The following SPON2 variants were observed in gnomAD, a reference collection of about 807,000 sequenced individuals.
SPON2 encodes the protein spondin 2, also known as spondin-2.
In SPON2, 32 loss-of-function variants were observed where a neutral mutation model predicts 29.9. The observed-to-expected ratio is 1.07, with a 90% confidence interval of 0.81 to 1.44. SPON2 has a LOEUF of 1.44. Among genes scored for constraint, SPON2 ranks in the 40% most tolerant of loss-of-function variants. SPON2 has a pLI of 0.00. For missense variants in SPON2, 541 were observed against 455.5 expected (o/e 1.19, Z -1.71); for synonymous variants, 248 against 209.1 (o/e 1.19, Z -1.61).
At chr4:1,201,357 G>C in intron 1 of SPON2, 1 of 341,114 alleles carries the variant, frequency 2.9e-6, no homozygotes, top group Non-Finnish European at 5.9e-6. Flanking sequence ...GAGGCTGTGG[G>C]TTTCTCCAGG....
Position 1,167,621 on chromosome 4 carries a change from A to G in SPON2, c.847T>C (p.Trp283Arg), listed in dbSNP as rs1727287182. The change falls in exon 6 of 6, where the codon TGG becomes CGG. Residue 283 changes from tryptophan (W) to arginine (R), a missense_variant. Physicochemically the swap from Trp to Arg is moderately radical, Grantham distance 101. Coordinates refer to ENST00000290902, the MANE Select transcript of SPON2 (RefSeq NM_012445.4). ...CCTCCGCACAGTCCCCAGGACGACCACAGGGAGACCTCGCAGTCCAGCGGC... is the reference window on the plus strand; with the variant it reads ...CCTCCGCACAGTCCCCAGGACGACCGCAGGGAGACCTCGCAGTCCAGCGGC... ...ETPLDCEVSL[W>R]SSWGLCGGHC... 6.2e-7 allele frequency: 1 copy of G among 1,611,830 alleles called. No homozygotes were observed. The highest frequency in any genetic ancestry group is 1.7e-5 in the Admixed American group (1 of 59,890).
intron 1 of SPON2, among the ~76,000 whole-genome samples, chr4:1,187,198 C>G (rs1727822962): frequency 6.6e-6 from 1 of 152,158 alleles, no homozygotes; most frequent in Non-Finnish European, 1.5e-5. Context: ...TTTCACCTTA[C>G]AAAGGAAGGA....
upstream of SPON2, among the ~76,000 whole-genome samples, chr4:1,197,447 G>A (rs1181573369): frequency 4.6e-5 from 7 of 152,058 alleles, no homozygotes; most frequent in East Asian, 7.7e-4. Flanking sequence ...AAATCTGAAC[G>A]TGCACTCTCT....
intron 1 of SPON2, among the ~76,000 whole-genome samples, chr4:1,194,491 C>T (rs1031051274): frequency 4.9e-5 from 7 of 143,330 alleles, no homozygotes; most frequent in Non-Finnish European, 8.8e-5. Flanking sequence ...AGCCGGGCCG[C>T]GGTAGCGCAG....
chr4:1,191,309 A>G (rs910938483), intron 1 of SPON2, among the ~76,000 whole-genome samples: 8 of 152,066 alleles, frequency 5.3e-5, no homozygotes, highest in African/African-American at 1.4e-4. Context: ...ATAAACCCCT[A>G]CTTTTATGGT....
chr4:1,200,563 A>G, intron 1 of SPON2: 1 of 340,816 alleles, frequency 2.9e-6, no homozygotes, highest in South Asian at 2.3e-5. Flanking sequence ...CGTGTAAACC[A>G]TGAGCTCACC....
Position 1,186,051 on chromosome 4 carries a change from T to C in SPON2, c.-238-6510A>G, listed in dbSNP as rs572145545. On this transcript the variant is annotated intron_variant, in intron 1 of 3. Coordinates refer to the SPON2 transcript ENST00000502483. ...CGAGGTCAGGAGATCGAGACCATCC[T>C]GGCTAACACGGTGAAACCCCATCTC... Among the ~76,000 whole-genome samples, 281 of 149,458 alleles carry C rather than the reference T, an allele frequency of 1.9e-3. 1 individual carries two copies. The highest frequency in any genetic ancestry group is 3.5e-3 in the Middle Eastern group (1 of 288).
intron 2 of SPON2, among the ~76,000 whole-genome samples, chr4:1,178,233 C>T (rs1372729133): frequency 2.7e-5 from 4 of 148,342 alleles, no homozygotes; most frequent in South Asian, 2.2e-4. Context: ...CTGCACACAC[C>T]GAGGGCCTCC....
chr4:1,174,712 T>A (rs1190428891), upstream of SPON2, among the ~76,000 whole-genome samples: 1 of 152,176 alleles, frequency 6.6e-6, no homozygotes. Flanking sequence ...AATCATACTT[T>A]TAAAAATGAA....
chr4:1,195,425 C>G (rs144904523), upstream of SPON2, among the ~76,000 whole-genome samples: 40 of 152,076 alleles, frequency 2.6e-4, no homozygotes, highest in African/African-American at 8.9e-4. Flanking sequence ...CCTCACAGGC[C>G]GGCCAGCTTC....
intron 1 of SPON2, among the ~76,000 whole-genome samples, chr4:1,204,749 C>T (rs73793111): frequency 0.018 from 2,793 of 152,318 alleles, 91 homozygotes; most frequent in African/African-American, 0.064. Context: ...CACCTCGTGA[C>T]GCCCAGGACA....
intron 5 of SPON2, 74 bp downstream of exon 5, chr4:1,170,328 G>A (rs2153076759): frequency 6.9e-7 from 1 of 1,446,104 alleles, no homozygotes; most frequent in South Asian, 1.2e-5. Context: ...AGAGCCTTAG[G>A]TTCGGGTTTG....
intron 1 of SPON2, among the ~76,000 whole-genome samples, chr4:1,189,890 G>C (rs1353872554): frequency 6.6e-6 from 1 of 151,294 alleles, no homozygotes; most frequent in Non-Finnish European, 1.5e-5. Context: ...CCACGAGGCT[G>C]AGGTAGGAGA....
chr4:1,171,858 G>A lies in SPON2; in HGVS notation c.214C>T (p.Leu72=), dbSNP rs1414629947. 5 of 1,611,830 alleles carry A rather than the reference G, an allele frequency of 3.1e-6. No homozygotes were observed. The highest frequency in any genetic ancestry group is 4.2e-6 in the Non-Finnish European group (5 of 1,178,916). Residue 72 remains leucine, a synonymous_variant, in exon 2 of 6, where the codon CTG becomes TTG. Transcript: ENST00000290902. ...AGGAGGGGGCTGTACTTACCCAGCAGCGAAGACCACTGCGCAGGGGGGCGG... is the reference window on the plus strand; with the variant it reads ...AGGAGGGGGCTGTACTTACCCAGCAACGAAGACCACTGCGCAGGGGGGCGG... ...LFRPPAQWSS[L]LGAAHSSDYS... is the part of the protein sequence containing the mutation.
rs956804267 is a variant in SPON2 at position 1,168,806 on chromosome 4, G to T, written c.812-1150C>A. 1.1e-4 allele frequency among the ~76,000 whole-genome samples: 17 copies of T among 152,220 alleles called. No individual in the cohort carries two copies. The East Asian group carries it at 3.3e-3, about 29-fold the overall frequency. On this transcript the variant is annotated intron_variant, in intron 5 of 5. Coordinates refer to ENST00000290902, the MANE Select transcript of SPON2 (RefSeq NM_012445.4). ...CTGCAGAGCCCTGTCAGGAGGCCTG[G>T]GGACAGGCATCCAGCGTGTGAGCAG...
At chr4:1,201,760 T>C (rs946135499) in intron 1 of SPON2, among the ~76,000 whole-genome samples, 5 of 152,066 alleles carry the variant, frequency 3.3e-5, no homozygotes, top group African/African-American at 1.2e-4. Context: ...TTTTTTTGTA[T>C]TTTTAGTAGA....
chr4:1,171,574 C>T, intron 2 of SPON2, 88 bp from the exon 3 acceptor site: 1 of 1,345,528 alleles, frequency 7.4e-7, no homozygotes, highest in Non-Finnish European at 1.0e-6. Flanking sequence ...AAATCCCTCC[C>T]CGCCGCCCGC....
At position 1,182,590 on chromosome 4, in the gene SPON2, A is replaced by G. The variant is rs116403341; in HGVS notation, c.-238-3049T>C. On this transcript the variant is annotated intron_variant, in intron 1 of 3. Transcript: ENST00000502483. ...GAAGAAAAATGAACAAAGCCTAAGA[A>G]ACCTGTGGGACACCATAAAACAGGG... is the stretch of plus-strand genomic sequence containing the variant. 8.7e-3 allele frequency among the ~76,000 whole-genome samples: 1,320 copies of G among 152,344 alleles called. 13 individuals are homozygous for G. The highest frequency in any genetic ancestry group is 0.029 in the African/African-American group (1,199 of 41,574).
chr4:1,197,384 G>C (rs1728092664), upstream of SPON2, among the ~76,000 whole-genome samples: 1 of 152,106 alleles, frequency 6.6e-6, no homozygotes, highest in Non-Finnish European at 1.5e-5. Flanking sequence ...TCTTCCCCCA[G>C]AAACTTAGAA....
Sources: allele counts gnomAD v4.1 joint callset (sites outside exome capture counted in the v4.1 genomes callset), GRCh38; gene constraint gnomAD v4.1.1; transcripts MANE v1.5; gene names NCBI Gene and HGNC (gene_info 2026-07-23, HGNC 2026-07-21).